The following LIPH variants were observed in gnomAD, a reference collection of about 807,000 sequenced individuals.
LIPH encodes the protein lipase member H.
Under a neutral mutation model 47.6 loss-of-function variants are expected in LIPH, and 32 were observed. The ratio of observed to expected loss-of-function variants is 0.67; its 90% CI spans 0.51 to 0.90. The LOEUF is 0.90. LIPH is among the 40% of genes least tolerant of loss of function. LIPH has a pLI of 0.00. For missense variants in LIPH, 497 were observed against 541.4 expected (o/e 0.92, Z 0.81); for synonymous variants, 190 against 195.6 (o/e 0.97, Z 0.24).
chr3:185,508,573 T>C lies in LIPH; in HGVS notation c.*217A>G. 1 of 571,094 alleles carries C rather than the reference T, an allele frequency of 1.8e-6. No homozygotes were observed. The highest frequency in any genetic ancestry group is 2.0e-5 in the South Asian group (1 of 50,032). The allele number at this position is 571,094 out of a possible 1,614,324, so 35.4% of individuals were successfully genotyped here. ...AGCGCTGCGCTGCTGCGAGCCTGGC[T>C]ATTTCTGACTTGCCCTAGTTAGGGG... On this transcript the variant is annotated 3_prime_UTR_variant, in exon 10 of 10. Transcript: ENST00000296252.
Position 185,540,127 on chromosome 3 carries a change from C to T in LIPH, c.50-4995G>A, listed in dbSNP as rs74406230. 1.6e-4 allele frequency among the ~76,000 whole-genome samples: 24 copies of T among 152,300 alleles called. No individual in the cohort carries two copies. In the East Asian group the frequency reaches 4.4e-3, roughly 28 times the overall value. On this transcript the variant is annotated intron_variant, in intron 1 of 9. Transcript: ENST00000296252. ...GCCTGCATGATGGTGTGAAGCCTCCCTCTGCCTATTCCCACTCCCTCCTCC... is the reference window on the plus strand; with the variant it reads ...GCCTGCATGATGGTGTGAAGCCTCCTTCTGCCTATTCCCACTCCCTCCTCC...
chr3:185,529,274 C>G (rs1577677265), intron 3 of LIPH, among the ~76,000 whole-genome samples: 1 of 149,848 alleles, frequency 6.7e-6, no homozygotes, highest in East Asian at 2.0e-4. Context: ...AGATCCCTAC[C>G]TGGAGTGAAG....
intron 9 of LIPH, among the ~76,000 whole-genome samples, chr3:185,509,594 C>A (rs1719493135): frequency 6.6e-6 from 1 of 151,764 alleles, no homozygotes; most frequent in South Asian, 2.1e-4. Context: ...CGCGCTACTA[C>A]TGTACTCCAG....
intron 1 of LIPH, among the ~76,000 whole-genome samples, chr3:185,549,530 C>A (rs781457787): frequency 3.3e-5 from 5 of 152,114 alleles, no homozygotes; most frequent in Non-Finnish European, 4.4e-5. Flanking sequence ...AGCAGAGTAA[C>A]TTTTAAAAAT....
At chr3:185,543,785 C>G (rs988639070) in intron 1 of LIPH, among the ~76,000 whole-genome samples, 11 of 150,712 alleles carry the variant, frequency 7.3e-5, no homozygotes, top group Admixed American at 6.6e-4. Context: ...AAGTACATGT[C>G]CATTGCTCAC....
Position 185,534,870 on chromosome 3 carries a change from A to T in LIPH, c.312T>A (p.Val104=). 1 of 1,614,238 alleles carries T rather than the reference A, an allele frequency of 6.2e-7. No homozygotes were observed. The highest frequency in any genetic ancestry group is 2.2e-5 in the East Asian group (1 of 44,888). ...GLLSVEDMNV[V]VVDWNRGATT... is the part of the protein sequence containing the mutation. The stretch of plus-strand genomic sequence containing the variant: ...TAGCTCCTCGATTCCAATCAACAAC[A>T]ACTACGTTCATGTCTTCAACAGAGA... Residue 104 remains valine, a synonymous_variant, in exon 2 of 10, where the codon GTT becomes GTA. Coordinates refer to ENST00000296252, the MANE Select transcript of LIPH (RefSeq NM_139248.3).
intron 5 of LIPH, among the ~76,000 whole-genome samples, chr3:185,522,973 T>C (rs1440682328): frequency 6.6e-6 from 1 of 152,196 alleles, no homozygotes; most frequent in Non-Finnish European, 1.5e-5. Flanking sequence ...TATTATATAG[T>C]TTTGTCTTTT....
At chr3:185,549,992 C>T (rs909252351) in intron 1 of LIPH, among the ~76,000 whole-genome samples, 3 of 152,122 alleles carry the variant, frequency 2.0e-5, no homozygotes, top group African/African-American at 7.2e-5. Flanking sequence ...TTAGCCATTG[C>T]TTTGTTCACT....
intron 1 of LIPH, among the ~76,000 whole-genome samples, chr3:185,543,322 G>C (rs1032568679): frequency 6.6e-6 from 1 of 152,210 alleles, no homozygotes; most frequent in African/African-American, 2.4e-5. Context: ...GAAAATACAT[G>C]TGTTAGGTAA....
At chr3:185,538,382 A>G (rs1350632261) in intron 1 of LIPH, among the ~76,000 whole-genome samples, 1 of 152,196 alleles carries the variant, frequency 6.6e-6, no homozygotes, top group Non-Finnish European at 1.5e-5. Flanking sequence ...GCTACCTGTG[A>G]CATGTGTCAT....
At chr3:185,526,250 G>A (rs769237065) in intron 4 of LIPH, among the ~76,000 whole-genome samples, 20 of 152,234 alleles carry the variant, frequency 1.3e-4, no homozygotes, top group Middle Eastern at 3.4e-3. Context: ...GCTGGGAACG[G>A]TGGCTCACAC....
At chr3:185,525,312 T>C (rs1244255075) in intron 4 of LIPH, among the ~76,000 whole-genome samples, 1 of 152,170 alleles carries the variant, frequency 6.6e-6, no homozygotes, top group Non-Finnish European at 1.5e-5. Flanking sequence ...TGATTTAATA[T>C]AAATTAATTT....
At chr3:185,519,395 C>T (rs1263989419) in intron 5 of LIPH, 86 bp from the exon 6 acceptor site, 1 of 836,278 alleles carries the variant, frequency 1.2e-6, no homozygotes, top group African/African-American at 1.7e-5. Flanking sequence ...CACACAATTT[C>T]TCATCTGGCC....
At chr3:185,535,823 G>A (rs555256590) in intron 1 of LIPH, among the ~76,000 whole-genome samples, 88 of 151,958 alleles carry the variant, frequency 5.8e-4, no homozygotes, top group Admixed American at 2.0e-3. Context: ...GGCTGGTCTC[G>A]AACTCCTGAC....
Position 185,508,016 on chromosome 3 carries a change from C to T in LIPH, c.*774G>A, listed in dbSNP as rs1465972441. On this transcript the variant is annotated 3_prime_UTR_variant, in exon 10 of 10. Transcript: ENST00000296252. ...TGAAGAGGCTGCCCCACGGCTTCCT[C>T]GTCCTTCTTTCTTCATCCACTATCT... 1 of 152,362 alleles carries T rather than the reference C, an allele frequency of 6.6e-6. No individual in the cohort carries two copies. The highest frequency in any genetic ancestry group is 1.5e-5 in the Non-Finnish European group (1 of 68,198). 9.4% of individuals were successfully genotyped at this position (152,362 alleles called of 1,614,324 possible).
chr3:185,525,013 G>A (rs967763560), intron 4 of LIPH, among the ~76,000 whole-genome samples: 3 of 151,862 alleles, frequency 2.0e-5, no homozygotes, highest in Non-Finnish European at 2.9e-5. Context: ...TGGGAGAATC[G>A]AGGCCAGCCT....
chr3:185,511,741 A>G (rs750587635), intron 8 of LIPH, 44 bp from the exon 9 acceptor site: 14 of 1,436,344 alleles, frequency 9.7e-6, no homozygotes, highest in Non-Finnish European at 1.4e-5. Flanking sequence ...AAGACTACTA[A>G]TGAGAGAAAG....
chr3:185,519,411 C>G, intron 5 of LIPH, 102 bp from the exon 6 acceptor site: 1 of 780,102 alleles, frequency 1.3e-6, no homozygotes, highest in Non-Finnish European at 2.3e-6. Context: ...TGGCCCTGCG[C>G]TCTTTCAGTG....
Position 185,508,669 on chromosome 3 carries a change from G to T in LIPH, c.*121C>A. ...AATGTGACATCCATAGGACGCTACT[G>T]AAAAAAGCCTTGGTTTTTTTCATAC... is the stretch of plus-strand genomic sequence containing the variant. On this transcript the variant is annotated 3_prime_UTR_variant, in exon 10 of 10. Coordinates refer to ENST00000296252, the MANE Select transcript of LIPH (RefSeq NM_139248.3). The T allele has an allele frequency of 1.3e-6, 1 of 762,110 alleles. No homozygotes were observed. The highest frequency in any genetic ancestry group is 2.4e-6 in the Non-Finnish European group (1 of 425,106). The allele number at this position is 762,110 out of a possible 1,614,324, so 47.2% of individuals were successfully genotyped here.
Sources: gnomAD v4.1 joint callset for allele counts (sites outside exome capture counted in the v4.1 genomes callset) on GRCh38, gnomAD v4.1.1 for gene constraint, MANE v1.5 for transcripts, NCBI Gene and HGNC (gene_info 2026-07-23, HGNC 2026-07-21) for gene names.